Variants in SMARCAD1 observed in about 807,000 individuals in gnomAD.
The protein encoded by SMARCAD1 is SNF2 related chromatin remodeling ATPase with DExD box 1, also known as SWI/SNF-related matrix-associated actin-dependent regulator of chromatin subfamily A containing DEAD/H box 1.
A neutral mutation model predicts 127.1 loss-of-function variants in SMARCAD1; 25 were observed. The ratio of observed to expected loss-of-function variants is 0.20; its 90% CI spans 0.14 to 0.27. The LOEUF is 0.27. SMARCAD1 is among the 10% of genes least tolerant of loss of function. The pLI is 1.00. For missense variants in SMARCAD1, 807 were observed against 1,206.0 expected (o/e 0.67, Z 4.90); for synonymous variants, 400 against 396.9 (o/e 1.01, Z -0.09).
At chr4:94,218,504 G>A (rs1743569703) in intron 2 of SMARCAD1, among the ~76,000 whole-genome samples, 1 of 151,984 alleles carries the variant, frequency 6.6e-6, no homozygotes, top group Non-Finnish European at 1.5e-5. Context: ...TGTTGCCCAG[G>A]CTGGTCTCAA....
chr4:94,232,898 A>G (rs915527365), intron 3 of SMARCAD1, among the ~76,000 whole-genome samples: 2 of 152,096 alleles, frequency 1.3e-5, no homozygotes, highest in South Asian at 4.2e-4. Context: ...GAGGATTGCT[A>G]GAGCCTGTAA....
chr4:94,239,286 A>C lies in SMARCAD1; in HGVS notation c.605-1620A>C, dbSNP rs114947589. On this transcript the variant is annotated intron_variant, in intron 5 of 23. Coordinates refer to ENST00000354268, the MANE Select transcript of SMARCAD1 (RefSeq NM_020159.5). Reference sequence around the variant, plus strand: ...CCATTTTAGGACAGTTTTCAACAAAAGACCTTTTTAAATACCTGTAAGTGA... The same window carrying C: ...CCATTTTAGGACAGTTTTCAACAAACGACCTTTTTAAATACCTGTAAGTGA... 5.0e-3 allele frequency among the ~76,000 whole-genome samples: 758 copies of C among 152,288 alleles called. 5 individuals are homozygous for C. The highest frequency in any genetic ancestry group is 0.017 in the African/African-American group (700 of 41,570).
chr4:94,207,854 G>A (rs1350039367), upstream of SMARCAD1: 6 of 336,680 alleles, frequency 1.8e-5, no homozygotes, highest in African/African-American at 1.1e-4. Context: ...CCTCTCAGCT[G>A]GGATCGCGCC....
intron 9 of SMARCAD1, among the ~76,000 whole-genome samples, chr4:94,254,861 C>T (rs1240083052): frequency 1.3e-5 from 2 of 152,046 alleles, no homozygotes; most frequent in Admixed American, 6.5e-5. Flanking sequence ...TGAGCTCCTA[C>T]TTTAAAAACC....
Position 94,226,303 on chromosome 4 carries a change from T to C in SMARCAD1, c.368+7T>C, listed in dbSNP as rs1744972083. On this transcript the variant is annotated splice_region_variant and intron_variant, in intron 3 of 23. Transcript: ENST00000354268. The stretch of plus-strand genomic sequence containing the variant: ...AAGATACAGTGATTATAGTGTAAGC[T>C]GATTAATAGATATATTGTATTTGCA... The C allele has an allele frequency of 1.9e-6, 3 of 1,602,670 alleles. No homozygotes were observed. Among genetic ancestry groups the C allele is most frequent in the African/African-American group, 1.3e-5 (1 of 74,604 alleles).
At chr4:94,262,046 A>G (rs868344178) in intron 9 of SMARCAD1, among the ~76,000 whole-genome samples, 5 of 152,110 alleles carry the variant, frequency 3.3e-5, no homozygotes, top group African/African-American at 1.2e-4. Flanking sequence ...GTGTTCTTCA[A>G]GGTTTTGCTC....
At chr4:94,218,767 T>C (rs907551805) in intron 2 of SMARCAD1, among the ~76,000 whole-genome samples, 5 of 152,182 alleles carry the variant, frequency 3.3e-5, no homozygotes, top group African/African-American at 1.2e-4. Context: ...TTTTCCTGTC[T>C]ACCATGATAT....
chr4:94,239,088 T>C (rs540637996), intron 5 of SMARCAD1, among the ~76,000 whole-genome samples: 1 of 152,218 alleles, frequency 6.6e-6, no homozygotes, highest in Non-Finnish European at 1.5e-5. Context: ...TTTTCTGGTT[T>C]TTTAATTAAA....
intron 2 of SMARCAD1, among the ~76,000 whole-genome samples, chr4:94,220,695 A>G (rs1179589916): frequency 2.0e-5 from 3 of 152,254 alleles, no homozygotes; most frequent in Non-Finnish European, 4.4e-5. Context: ...CTCATGGTGC[A>G]AAAGCAATCA....
intron 11 of SMARCAD1, among the ~76,000 whole-genome samples, chr4:94,272,606 G>C (rs1276430346): frequency 6.6e-6 from 1 of 151,808 alleles, no homozygotes; most frequent in Non-Finnish European, 1.5e-5. Flanking sequence ...TATACTATTT[G>C]TTTTTGGTTC....
chr4:94,279,160 G>A (rs1350732965), intron 19 of SMARCAD1, 110 bp downstream of exon 19: 1 of 1,449,294 alleles, frequency 6.9e-7, no homozygotes, highest in Admixed American at 2.0e-5. Context: ...ACATATTTAA[G>A]AAAAACTTTT....
chr4:94,215,241 G>A (rs561775821), intron 2 of SMARCAD1, among the ~76,000 whole-genome samples: 11 of 152,318 alleles, frequency 7.2e-5, no homozygotes, highest in Non-Finnish European at 1.5e-4. Context: ...GCAATACTTA[G>A]TTAAAGGGTT....
intron 21 of SMARCAD1, 65 bp from the exon 22 acceptor site, chr4:94,283,056 T>C: frequency 7.4e-7 from 1 of 1,359,348 alleles, no homozygotes; most frequent in Non-Finnish European, 1.0e-6. Context: ...ATAATGATTG[T>C]TTTCCATTTT....
intron 23 of SMARCAD1, among the ~76,000 whole-genome samples, chr4:94,286,976 T>G (rs541172629): frequency 6.6e-6 from 1 of 152,188 alleles, no homozygotes; most frequent in Non-Finnish European, 1.5e-5. Context: ...ACCATTCTCC[T>G]GCCTCAGCCT....
chr4:94,210,249 G>C (rs34320044), intron 2 of SMARCAD1, among the ~76,000 whole-genome samples: 1 of 152,112 alleles, frequency 6.6e-6, no homozygotes, highest in Non-Finnish European at 1.5e-5. Context: ...TGATGGCTTC[G>C]GGAAATAAGA....
intron 9 of SMARCAD1, chr4:94,253,365 A>C: frequency 7.7e-7 from 1 of 1,294,682 alleles, no homozygotes; most frequent in Non-Finnish European, 1.0e-6. Context: ...CTGAGACACC[A>C]TGCAGAAAGC....
At chr4:94,284,514 T>C (rs1040019983) in intron 22 of SMARCAD1, among the ~76,000 whole-genome samples, 2 of 151,462 alleles carry the variant, frequency 1.3e-5, no homozygotes, top group African/African-American at 4.8e-5. Flanking sequence ...TTCCCATGCC[T>C]TAGCCTCCCA....
intron 6 of SMARCAD1, among the ~76,000 whole-genome samples, chr4:94,245,797 T>C (rs927183567): frequency 1.3e-5 from 2 of 152,222 alleles, no homozygotes; most frequent in Non-Finnish European, 2.9e-5. Context: ...TGACATTGTA[T>C]CTCTAACAGT....
In SMARCAD1 at chr4:94,255,044, C is replaced by A. The variant is rs548584307; in HGVS notation, c.1281+2037C>A. The stretch of plus-strand genomic sequence containing the variant: ...TTAATCAGTGAGGTTTGATAATGTA[C>A]CTCTAAACAACTTCAAAAGGAAACA... On this transcript the variant is annotated intron_variant, in intron 9 of 23. Coordinates refer to ENST00000354268, the MANE Select transcript of SMARCAD1 (RefSeq NM_020159.5). Among the ~76,000 whole-genome samples the A allele has an allele frequency of 2.9e-3, 435 of 151,998 alleles. 1 individual carries two copies. Among genetic ancestry groups the A allele is most frequent in the Non-Finnish European group, 5.0e-3 (341 of 67,878 alleles).
Sources: allele counts gnomAD v4.1 joint callset (sites outside exome capture counted in the v4.1 genomes callset), GRCh38; gene constraint gnomAD v4.1.1; transcripts MANE v1.5; gene names NCBI Gene and HGNC (gene_info 2026-07-23, HGNC 2026-07-21).